The following PPARGC1A variants were observed in gnomAD, a reference collection of about 807,000 sequenced individuals.
The protein encoded by PPARGC1A is peroxisome proliferator-activated receptor gamma coactivator 1-alpha.
Under a neutral mutation model 88.7 loss-of-function variants are expected in PPARGC1A, and 25 were observed. The ratio of observed to expected loss-of-function variants is 0.28; its 90% CI spans 0.21 to 0.39. PPARGC1A has a LOEUF of 0.39. Ranked by LOEUF, PPARGC1A falls within the 10% of genes least tolerant of loss-of-function variation. The probability of loss-of-function intolerance (pLI) is 1.00; values close to 1 mark genes in which losing one functional copy is unlikely to be tolerated. For synonymous variants in PPARGC1A, 363 were observed against 355.6 expected (o/e 1.02, Z -0.24); for missense variants, 880 against 968.7 (o/e 0.91, Z 1.22).
chr4:24,203,707 A>C, the PPARGC1A span, among the ~76,000 whole-genome samples: 1 of 152,268 alleles, frequency 6.6e-6, no homozygotes, highest in East Asian at 1.9e-4. Context: ...GGCAATGATG[A>C]ACCCCATTGT....
chr4:24,448,698 G>A, the PPARGC1A span, among the ~76,000 whole-genome samples: 14 of 152,096 alleles, frequency 9.2e-5, no homozygotes, highest in Admixed American at 2.0e-4. Flanking sequence ...CCAGAAGATC[G>A]AAGGTTAATC....
chr4:24,208,699 A>T, the PPARGC1A span, among the ~76,000 whole-genome samples: 1 of 145,204 alleles, frequency 6.9e-6, no homozygotes, highest in Non-Finnish European at 1.5e-5. Context: ...ATATATATAT[A>T]TATTCATATT....
At chr4:24,292,362 T>G in the PPARGC1A span, among the ~76,000 whole-genome samples, 1 of 151,886 alleles carries the variant, frequency 6.6e-6, no homozygotes, top group Admixed American at 6.6e-5. Flanking sequence ...CTAAAGAAAT[T>G]GTCAATTATG....
the PPARGC1A span, among the ~76,000 whole-genome samples, chr4:24,211,941 C>G: frequency 6.6e-6 from 1 of 152,190 alleles, no homozygotes; most frequent in African/African-American, 2.4e-5. Flanking sequence ...TATCATCACT[C>G]TCTGGGTTAT....
the PPARGC1A span, among the ~76,000 whole-genome samples, chr4:23,949,377 A>T: frequency 6.6e-6 from 1 of 152,194 alleles, no homozygotes; most frequent in Non-Finnish European, 1.5e-5. Context: ...AGCACCAAGC[A>T]CAGCACTAAA....
the PPARGC1A span, among the ~76,000 whole-genome samples, chr4:24,011,292 C>T: frequency 6.6e-6 from 1 of 152,112 alleles, no homozygotes; most frequent in Non-Finnish European, 1.5e-5. Context: ...AGCCATCTGT[C>T]CTTTTGCATC....
chr4:23,919,810 C>A, the PPARGC1A span, among the ~76,000 whole-genome samples: 95 of 152,240 alleles, frequency 6.2e-4, 1 homozygote, highest in African/African-American at 2.2e-3. Context: ...CTTAGCAGAA[C>A]ATACAGATAG....
the PPARGC1A span, among the ~76,000 whole-genome samples, chr4:23,969,093 G>A: frequency 6.6e-6 from 1 of 152,104 alleles, no homozygotes; most frequent in East Asian, 1.9e-4. Context: ...CGAGAGCTCT[G>A]TGCCTCAGAA....
At chr4:24,231,425 C>T in the PPARGC1A span, among the ~76,000 whole-genome samples, 1 of 152,118 alleles carries the variant, frequency 6.6e-6, no homozygotes, top group Non-Finnish European at 1.5e-5. Context: ...AGGTACTCTC[C>T]AGTCCGGTCC....
At chr4:24,029,138 A>G in the PPARGC1A span, among the ~76,000 whole-genome samples, 53,403 of 151,972 alleles carry the variant, frequency 0.35, 9,827 homozygotes, top group East Asian at 0.52. Context: ...AGCAGCATCA[A>G]GATGATAAAT....
intron 10 of PPARGC1A, among the ~76,000 whole-genome samples, chr4:23,809,002 T>C (rs1010526759): frequency 2.0e-5 from 3 of 152,086 alleles, no homozygotes; most frequent in African/African-American, 7.2e-5. Flanking sequence ...TCCCTAAATA[T>C]ATGATTGCTT....
the PPARGC1A span, among the ~76,000 whole-genome samples, chr4:24,215,166 G>C: frequency 6.6e-6 from 1 of 152,222 alleles, no homozygotes; most frequent in Non-Finnish European, 1.5e-5. Context: ...CACCTGGAAA[G>C]AGAAGGACTC....
chr4:24,237,813 C>T, the PPARGC1A span, among the ~76,000 whole-genome samples: 10 of 152,120 alleles, frequency 6.6e-5, no homozygotes, highest in Non-Finnish European at 1.5e-4. Context: ...CATCTTCTAG[C>T]CTGTCATTTT....
the PPARGC1A span, among the ~76,000 whole-genome samples, chr4:24,362,868 C>A: frequency 6.6e-6 from 1 of 152,308 alleles, no homozygotes; most frequent in African/African-American, 2.4e-5. Flanking sequence ...GGCATTCAAG[C>A]ACATTCGGAA....
At chr4:24,177,267 C>A in the PPARGC1A span, among the ~76,000 whole-genome samples, 1 of 152,112 alleles carries the variant, frequency 6.6e-6, no homozygotes, top group South Asian at 2.1e-4. Context: ...CACATACACA[C>A]CATGGAATAC....
chr4:24,060,603 G>A, the PPARGC1A span, among the ~76,000 whole-genome samples: 1 of 152,200 alleles, frequency 6.6e-6, no homozygotes, highest in African/African-American at 2.4e-5. Context: ...CCTTTCTAAG[G>A]TTGGGGAAAG....
intron 10 of PPARGC1A, among the ~76,000 whole-genome samples, chr4:23,804,391 T>C (rs898093473): frequency 1.3e-5 from 2 of 152,220 alleles, no homozygotes; most frequent in African/African-American, 4.8e-5. Context: ...ATTTTCTTTA[T>C]TCCATTGTCC....
chr4:24,085,447 G>T, the PPARGC1A span, among the ~76,000 whole-genome samples: 1 of 152,166 alleles, frequency 6.6e-6, no homozygotes, highest in Non-Finnish European at 1.5e-5. Context: ...TAAGGGACTT[G>T]ATTGAGGTCA....
chr4:24,276,218 A>G, the PPARGC1A span, among the ~76,000 whole-genome samples: 3 of 152,132 alleles, frequency 2.0e-5, no homozygotes, highest in Non-Finnish European at 4.4e-5. Flanking sequence ...AATGCCTACC[A>G]CTTGTTTTCT....
Sources: allele counts gnomAD v4.1 joint callset (sites outside exome capture counted in the v4.1 genomes callset), GRCh38; gene constraint gnomAD v4.1.1; transcripts MANE v1.5; gene names NCBI Gene and HGNC (gene_info 2026-07-23, HGNC 2026-07-21).